Variants in PLCZ1 observed in about 807,000 individuals in gnomAD.
The protein encoded by PLCZ1 is phospholipase C zeta 1.
Under a neutral mutation model 76.8 loss-of-function variants are expected in PLCZ1, and 64 were observed. That is an observed-to-expected ratio of 0.83 (90% CI 0.68 to 1.03). PLCZ1 has a LOEUF of 1.03. Among genes scored for constraint, PLCZ1 ranks in the 50% least tolerant of loss-of-function variants. The pLI, the probability that PLCZ1 is intolerant of heterozygous loss-of-function variation, is 0.00. For synonymous variants in PLCZ1, 248 were observed against 230.8 expected (o/e 1.07, Z -0.68); for missense variants, 751 against 713.7 (o/e 1.05, Z -0.60).
intron 3 of PLCZ1, among the ~76,000 whole-genome samples, chr12:18,728,910 A>G (rs1275561899): frequency 1.3e-5 from 2 of 152,092 alleles, no homozygotes; most frequent in Non-Finnish European, 2.9e-5. Flanking sequence ...GTAAGAAACC[A>G]TAAACTTGAG....
At chr12:18,717,727 G>T (rs564441853) in intron 5 of PLCZ1, among the ~76,000 whole-genome samples, 40 of 152,164 alleles carry the variant, frequency 2.6e-4, no homozygotes, top group African/African-American at 8.7e-4. Flanking sequence ...TGAACATCTT[G>T]ATTCCTCTCT....
the PLCZ1 span, among the ~76,000 whole-genome samples, chr12:18,654,814 C>T: frequency 1.3e-5 from 2 of 152,240 alleles, no homozygotes; most frequent in Admixed American, 6.5e-5. Context: ...ACATCGAACT[C>T]ACCGACTTCA....
Position 18,705,330 on chromosome 12 carries a change from A to C in PLCZ1, c.715-15T>G. ...TAGTCAGATGTCTAAAAAAGTAACC[A>C]TTACTATGGTTATTCATCAAAACTT... is the stretch of plus-strand genomic sequence containing the variant. On this transcript the variant is annotated splice_polypyrimidine_tract_variant and intron_variant, in intron 6 of 14. Coordinates refer to ENST00000266505, the MANE Select transcript of PLCZ1 (RefSeq NM_033123.4). 6.2e-7 allele frequency: 1 copy of C among 1,613,894 alleles called. No homozygotes were observed. Among genetic ancestry groups the C allele is most frequent in the Non-Finnish European group, 8.5e-7 (1 of 1,179,838 alleles).
At chr12:18,725,226 C>T (rs1958681556) in intron 3 of PLCZ1, among the ~76,000 whole-genome samples, 1 of 151,912 alleles carries the variant, frequency 6.6e-6, no homozygotes, top group South Asian at 2.1e-4. Context: ...AGGAAAGCAA[C>T]AAGGAGCAAG....
intron 10 of PLCZ1, among the ~76,000 whole-genome samples, chr12:18,699,266 C>T (rs149478692): frequency 1.3e-5 from 2 of 152,282 alleles, no homozygotes; most frequent in African/African-American, 4.8e-5. Flanking sequence ...ATTAACCCTA[C>T]CCTCTTCAAT....
intron 3 of PLCZ1, among the ~76,000 whole-genome samples, chr12:18,723,995 G>A (rs1312336179): frequency 6.6e-6 from 1 of 152,098 alleles, no homozygotes; most frequent in Non-Finnish European, 1.5e-5. Context: ...TGGAGTCTGA[G>A]TAATCATTGA....
chr12:18,693,534 C>T, intron 12 of PLCZ1: 2 of 1,611,764 alleles, frequency 1.2e-6, no homozygotes, highest in Non-Finnish European at 1.7e-6. Flanking sequence ...GTGGTTGGCT[C>T]TGAACTTATT....
intron 5 of PLCZ1, 140 bp downstream of exon 5, chr12:18,719,291 A>G (rs1249384664): frequency 4.4e-6 from 2 of 452,940 alleles, no homozygotes; most frequent in Non-Finnish European, 7.5e-6. Flanking sequence ...GATATGTACA[A>G]GTAAAAATTT....
intron 5 of PLCZ1, chr12:18,715,702 C>T (rs1343588879): frequency 1.3e-5 from 2 of 152,028 alleles, no homozygotes; most frequent in Non-Finnish European, 2.9e-5. Context: ...TCTCTGTCAC[C>T]CACACTAAAG....
chr12:18,685,906 CA>C (rs1290238072), intron 13 of PLCZ1, among the ~76,000 whole-genome samples: 1 of 151,496 alleles, frequency 6.6e-6, no homozygotes, highest in African/African-American at 2.4e-5. Context: ...AGAAAGCCCT[CA>C]CTTTCAGTTG....
the PLCZ1 span, among the ~76,000 whole-genome samples, chr12:18,656,210 T>C: frequency 6.6e-6 from 1 of 152,046 alleles, no homozygotes; most frequent in African/African-American, 2.4e-5. Flanking sequence ...GGAAGCATCA[T>C]TTGAGCTCAG....
chr12:18,700,326 T>C (rs1362066084), intron 9 of PLCZ1, among the ~76,000 whole-genome samples: 2 of 151,930 alleles, frequency 1.3e-5, no homozygotes, highest in East Asian at 3.9e-4. Context: ...TTTCACAACC[T>C]GGCATCTATT....
chr12:18,654,799 G>T, the PLCZ1 span, among the ~76,000 whole-genome samples: 1 of 152,102 alleles, frequency 6.6e-6, no homozygotes, highest in Non-Finnish European at 1.5e-5. Context: ...AGGGATAAGT[G>T]ACAAACATCG....
At chr12:18,670,995 T>G in the PLCZ1 span, among the ~76,000 whole-genome samples, 1 of 152,090 alleles carries the variant, frequency 6.6e-6, no homozygotes, top group Non-Finnish European at 1.5e-5. Context: ...CTGGACAACA[T>G]GGTGAAACCC....
intron 10 of PLCZ1, among the ~76,000 whole-genome samples, chr12:18,697,304 T>G (rs1955204310): frequency 6.6e-6 from 1 of 152,164 alleles, no homozygotes; most frequent in Non-Finnish European, 1.5e-5. Flanking sequence ...TTATCAATAT[T>G]TATTTTCAAA....
At chr12:18,663,599 A>T in the PLCZ1 span, among the ~76,000 whole-genome samples, 2 of 152,118 alleles carry the variant, frequency 1.3e-5, no homozygotes, top group African/African-American at 4.8e-5. Flanking sequence ...TTAACTTAAA[A>T]TATATCCAGT....
chr12:18,718,151 T>G (rs1195451738), intron 5 of PLCZ1, among the ~76,000 whole-genome samples: 4 of 152,180 alleles, frequency 2.6e-5, no homozygotes, highest in Non-Finnish European at 5.9e-5. Flanking sequence ...AGATTAGATA[T>G]ACTAAATGCA....
chr12:18,709,575 G>C (rs544147948), intron 6 of PLCZ1, among the ~76,000 whole-genome samples: 1 of 151,494 alleles, frequency 6.6e-6, no homozygotes, highest in African/African-American at 2.4e-5. Context: ...ATTTTGATAA[G>C]AATTGCATTA....
At chr12:18,734,802 A>G (rs1327844186) in intron 3 of PLCZ1, among the ~76,000 whole-genome samples, 1 of 152,156 alleles carries the variant, frequency 6.6e-6, no homozygotes, top group East Asian at 1.9e-4. Flanking sequence ...TTCCAGTACC[A>G]TCTTGAACAG....
Sources: allele counts gnomAD v4.1 joint callset (sites outside exome capture counted in the v4.1 genomes callset), GRCh38; gene constraint gnomAD v4.1.1; transcripts MANE v1.5; gene names NCBI Gene and HGNC (gene_info 2026-07-23, HGNC 2026-07-21).